Variants in NCAPD3 observed in about 807,000 individuals in gnomAD.
NCAPD3 encodes the protein non-SMC condensin II complex subunit D3.
NCAPD3 carries 105 observed loss-of-function variants against 182.9 expected under a neutral mutation model. That is an observed-to-expected ratio of 0.57 (90% CI 0.49 to 0.68). The LOEUF (loss-of-function observed/expected upper bound fraction) is 0.68. Among genes scored for constraint, NCAPD3 ranks in the 30% least tolerant of loss-of-function variants. The pLI is 0.00. For missense variants in NCAPD3, 1,944 were observed against 1,837.0 expected, an observed-to-expected ratio of 1.06 and a Z score of -1.07; for synonymous variants, 815 against 679.9, an observed-to-expected ratio of 1.20 and a Z score of -3.09.
chr11:134,163,749 G>A (rs1168511025), intron 27 of NCAPD3, among the ~76,000 whole-genome samples: 1 of 149,286 alleles, frequency 6.7e-6, no homozygotes, highest in Non-Finnish European at 1.5e-5. Context: ...GCAGGGGCCT[G>A]TAGTCCCAGC....
chr11:134,209,399 T>A lies in NCAPD3; in HGVS notation c.646A>T (p.Ile216Phe), dbSNP rs771133475. ...ARDLSQIRNA[I>F]FHLLKNFLRL... is the part of the protein sequence containing the mutation. ...AAAAAATTCTTTAAAAGGTGAAAGA[T>A]GGCATTTCGAATTTGAGAAAGGTCC... The change falls in exon 5 of 35, where the codon ATC becomes TTC. Residue 216 changes from isoleucine to phenylalanine, a missense_variant. Physicochemically the swap from Ile to Phe is conservative, Grantham distance 21 (BLOSUM62 0). Around this residue, in one of 3 missense-constraint regions of NCAPD3, gnomAD observed 1,803 missense variants for 1,674.6 expected, o/e 1.08. Transcript: ENST00000534548. The A allele has an allele frequency of 6.2e-7, 1 of 1,613,860 alleles. No individual in the cohort carries two copies. The highest frequency in any genetic ancestry group is 8.5e-7 in the Non-Finnish European group (1 of 1,179,902).
chr11:134,206,559 G>T (rs1435984077), intron 8 of NCAPD3, 40 bp downstream of exon 8: 1 of 1,610,690 alleles, frequency 6.2e-7, no homozygotes, highest in African/African-American at 1.3e-5. Flanking sequence ...AGTACTGAGG[G>T]AGACTGACAG....
intron 16 of NCAPD3, among the ~76,000 whole-genome samples, chr11:134,188,923 C>T (rs143790871): frequency 2.5e-3 from 384 of 152,252 alleles, no homozygotes; most frequent in African/African-American, 7.9e-3. Flanking sequence ...GGAGAGAAGC[C>T]TCAGGAGAAA....
chr11:134,181,534 G>C (rs762923324), intron 19 of NCAPD3, among the ~76,000 whole-genome samples: 29 of 152,176 alleles, frequency 1.9e-4, no homozygotes, highest in Non-Finnish European at 4.0e-4. Flanking sequence ...ATAAGCTGTA[G>C]TTTTGCTGCC....
chr11:134,183,446 TA>T (rs1436435411), intron 19 of NCAPD3, among the ~76,000 whole-genome samples: 2 of 152,162 alleles, frequency 1.3e-5, no homozygotes, highest in Non-Finnish European at 2.9e-5. Context: ...CATGTGCCTG[TA>T]ATCCCAGCTA....
At chr11:134,167,877 G>T (rs531419221) in intron 27 of NCAPD3, 119 bp downstream of exon 27, 2 of 998,358 alleles carry the variant, frequency 2.0e-6, no homozygotes, top group African/African-American at 3.2e-5. Flanking sequence ...GATGAGCTTG[G>T]GGGAGGTGCA....
chr11:134,225,172 A>T, upstream of NCAPD3: 2 of 1,614,028 alleles, frequency 1.2e-6, no homozygotes, highest in Non-Finnish European at 1.7e-6. Context: ...ATCCTTCTGA[A>T]CGATGCAGAG....
At chr11:134,207,117 T>A (rs1043372525) in intron 7 of NCAPD3, among the ~76,000 whole-genome samples, 1 of 152,190 alleles carries the variant, frequency 6.6e-6, no homozygotes, top group African/African-American at 2.4e-5. Context: ...GCTTTTTGCC[T>A]CCAGTTTACA....
At chr11:134,155,341 G>A (rs1252565948) in intron 32 of NCAPD3, among the ~76,000 whole-genome samples, 2 of 152,166 alleles carry the variant, frequency 1.3e-5, no homozygotes, top group African/African-American at 2.4e-5. Flanking sequence ...AAACCACAGA[G>A]AAAACAGAAC....
chr11:134,210,296 T>C lies in NCAPD3; in HGVS notation c.541A>G (p.Lys181Glu), dbSNP rs970858667. 17 of 1,613,596 alleles carry C rather than the reference T, an allele frequency of 1.1e-5. No individual in the cohort carries two copies. The highest frequency in any genetic ancestry group is 1.4e-5 in the Non-Finnish European group (17 of 1,179,928). The part of the protein sequence containing the change: ...ANPGRHRKRG[K>E]PPRREDIEMD... ...TCAATATCTTCTCTCCTGGGTGGCT[T>C]TCCCCTTTTTCTATGCCTCCCGGGG... Residue 181 changes from lysine to glutamate, a missense_variant, in exon 4 of 35, where the codon AAG becomes GAG. Coordinates refer to ENST00000534548, the MANE Select transcript of NCAPD3 (RefSeq NM_015261.3).
intron 3 of NCAPD3, among the ~76,000 whole-genome samples, chr11:134,214,518 A>T (rs1209023658): frequency 6.6e-6 from 1 of 152,228 alleles, no homozygotes; most frequent in Non-Finnish European, 1.5e-5. Context: ...AATAAGAGCA[A>T]ATTAAACCCA....
chr11:134,194,893 G>A (rs561348999), intron 13 of NCAPD3, among the ~76,000 whole-genome samples, 155 bp from the exon 14 acceptor site: 1 of 152,290 alleles, frequency 6.6e-6, no homozygotes, highest in East Asian at 1.9e-4. Context: ...AGAAGAAAAT[G>A]TGAATAATTA....
intron 24 of NCAPD3, among the ~76,000 whole-genome samples, chr11:134,171,011 A>G (rs1399465535): frequency 2.6e-5 from 4 of 152,148 alleles, no homozygotes; most frequent in African/African-American, 4.8e-5. Context: ...AAAAGTTAGG[A>G]GAAATTAACA....
chr11:134,167,247 C>CACTA (rs1565526264), intron 27 of NCAPD3, among the ~76,000 whole-genome samples: 10 of 98,688 alleles, frequency 1.0e-4, no homozygotes, highest in South Asian at 3.7e-4. Flanking sequence ...GGCGCACACT[C>CACTA]GTGAGATGAG....
chr11:134,164,522 T>G (rs147677487), intron 27 of NCAPD3, among the ~76,000 whole-genome samples: 1 of 151,834 alleles, frequency 6.6e-6, no homozygotes, highest in East Asian at 1.9e-4. Context: ...CGGAAGCCAG[T>G]AGATGGTGAG....
rs1943270222 is a variant in NCAPD3, at chr11:134,152,416, CAG to C, written c.*526_*527del. On this transcript the variant is annotated 3_prime_UTR_variant, in exon 35 of 35. Transcript: ENST00000534548. ...ACCAATAAGAGCTCTGTTCTAAAAA[CAG>C]AAAAATCCTATTGACTACTGGAAGG... 6.6e-6 allele frequency: 1 copy of C among 152,216 alleles called. No homozygotes were observed. The highest frequency in any genetic ancestry group is 2.4e-5 in the African/African-American group (1 of 41,462). The allele number at this position is 152,216 out of a possible 1,614,324, so 9.4% of individuals were successfully genotyped here.
At chr11:134,154,272 G>A (rs1298511278) in intron 32 of NCAPD3, among the ~76,000 whole-genome samples, 3 of 152,134 alleles carry the variant, frequency 2.0e-5, no homozygotes, top group South Asian at 2.1e-4. Context: ...GTTTCATCAA[G>A]AAGCTGGTAA....
Position 134,185,545 on chromosome 11 carries a change from G to A in NCAPD3, c.2046-19C>T, listed in dbSNP as rs539999275. 6.4e-7 allele frequency: 1 copy of A among 1,562,966 alleles called. No homozygotes were observed. The highest frequency in any genetic ancestry group is 8.7e-7 in the Non-Finnish European group (1 of 1,150,456). On this transcript the variant is annotated intron_variant, in intron 16 of 34. Transcript: ENST00000534548. ...ATATCGGCTGGAAAAAAAAAAGATA[G>A]AAAAGCAGAATTGCAACTGTAAATA...
chr11:134,189,215 G>A (rs190695273), intron 16 of NCAPD3, among the ~76,000 whole-genome samples: 1 of 152,114 alleles, frequency 6.6e-6, no homozygotes, highest in East Asian at 1.9e-4. Context: ...TTATTTATTT[G>A]TACCTTTTTT....
Sources: gnomAD v4.1 joint callset for allele counts (sites outside exome capture counted in the v4.1 genomes callset) on GRCh38, gnomAD v4.1.1 for gene constraint, gnomAD v4.1.1 regional missense constraint, MANE v1.5 for transcripts, NCBI Gene and HGNC (gene_info 2026-07-23, HGNC 2026-07-21) for gene names.